R3HDM2: variants seen among roughly 807,000 people sequenced by gnomAD.
The protein encoded by R3HDM2 is R3H domain-containing protein 2.
R3HDM2 carries 38 observed loss-of-function variants against 124.5 expected under a neutral mutation model. The observed-to-expected ratio is 0.31, with a 90% CI of 0.24 to 0.40. The LOEUF is 0.40. R3HDM2 is among the 10% of genes least tolerant of loss of function. The probability of loss-of-function intolerance (pLI) is 1.00; values close to 1 mark genes in which losing one functional copy is unlikely to be tolerated. For synonymous variants in R3HDM2, 391 were observed against 448.0 expected (o/e 0.87, Z 1.61); for missense variants, 869 against 1,236.9 (o/e 0.70, Z 4.46).
At chr12:57,391,437 A>C (rs1004382339) in intron 2 of R3HDM2, among the ~76,000 whole-genome samples, 1 of 152,170 alleles carries the variant, frequency 6.6e-6, no homozygotes, top group African/African-American at 2.4e-5. Context: ...TTTCCAGGGA[A>C]TGGGATGGAG....
At chr12:57,314,821 C>T (rs939626654) in intron 2 of R3HDM2, among the ~76,000 whole-genome samples, 8 of 152,052 alleles carry the variant, frequency 5.3e-5, no homozygotes, top group Admixed American at 1.3e-4. Flanking sequence ...ATTTATTTGT[C>T]AGAAAGAAAA....
chr12:57,429,986 GAAC>G (rs1228667730), intron 1 of R3HDM2, among the ~76,000 whole-genome samples: 2 of 152,128 alleles, frequency 1.3e-5, no homozygotes, highest in Admixed American at 6.6e-5. Context: ...TTATCTATTT[GAAC>G]AACATTATGT....
chr12:57,360,036 T>TACAC (rs1483323502), intron 2 of R3HDM2, among the ~76,000 whole-genome samples: 44 of 78,366 alleles, frequency 5.6e-4, no homozygotes, highest in South Asian at 1.2e-3. Context: ...CACATATATA[T>TACAC]ATATATATAT....
At chr12:57,317,310 G>A (rs897303770) in intron 2 of R3HDM2, among the ~76,000 whole-genome samples, 2 of 151,172 alleles carry the variant, frequency 1.3e-5, no homozygotes, top group African/African-American at 4.9e-5. Context: ...TCAGCCTCCT[G>A]AGTAGCTGGG....
At chr12:57,298,047 T>TA (rs2050271218) in intron 7 of R3HDM2, 43 bp downstream of exon 7, 1 of 1,425,958 alleles carries the variant, frequency 7.0e-7, no homozygotes. Context: ...GGAATCTTGC[T>TA]ATCCCCTAAC....
At chr12:57,418,538 C>G (rs2069874700) in intron 1 of R3HDM2, among the ~76,000 whole-genome samples, 1 of 151,612 alleles carries the variant, frequency 6.6e-6, no homozygotes, top group South Asian at 2.1e-4. Flanking sequence ...CCAGCATACT[C>G]TAGGCTACCC....
intron 3 of R3HDM2, among the ~76,000 whole-genome samples, chr12:57,307,307 T>TA (rs149318837): frequency 6.9e-4 from 45 of 65,582 alleles, no homozygotes; most frequent in South Asian, 1.4e-3. Context: ...AAATGCTGGG[T>TA]TTTTTTGTTG....
Position 57,295,384 on chromosome 12 carries a change from C to G in R3HDM2, c.810+15G>C. 3 of 1,530,020 alleles carry G rather than the reference C, an allele frequency of 2.0e-6. No homozygotes were observed. Among genetic ancestry groups the G allele is most frequent in the Non-Finnish European group, 2.7e-6 (3 of 1,128,410 alleles). 94.8% of individuals were successfully genotyped at this position (1,530,020 alleles called of 1,614,324 possible). A position where few individuals can be genotyped will look rare whatever the true frequency, so the allele number is the denominator to read the frequency against. ...GCAAACTCTCTATATAGGCCCACCC[C>G]TTTCCATTCTTCACCTGGTTATCAT... On this transcript the variant is annotated intron_variant, in intron 10 of 23. Coordinates refer to ENST00000402412, the MANE Select transcript of R3HDM2 (RefSeq NM_001394031.1).
intron 2 of R3HDM2, among the ~76,000 whole-genome samples, chr12:57,370,121 C>A (rs1055545662): frequency 6.6e-6 from 1 of 152,162 alleles, no homozygotes; most frequent in Non-Finnish European, 1.5e-5. Context: ...ATAATCCCCA[C>A]ATGTGTGAGG....
intron 2 of R3HDM2, among the ~76,000 whole-genome samples, chr12:57,392,465 G>A (rs2066839614): frequency 6.6e-6 from 1 of 152,152 alleles, no homozygotes; most frequent in Non-Finnish European, 1.5e-5. Context: ...GATCTGACAG[G>A]AGGCTGAGTT....
intron 11 of R3HDM2, 77 bp downstream of exon 11, chr12:57,292,495 A>G: frequency 1.0e-6 from 1 of 977,476 alleles, no homozygotes; most frequent in Non-Finnish European, 1.6e-6. Flanking sequence ...ACATTTGTGG[A>G]GGGTTCATTC....
intron 20 of R3HDM2, 152 bp from the exon 21 acceptor site, chr12:57,258,289 G>C: frequency 2.3e-6 from 1 of 437,334 alleles, no homozygotes; most frequent in Non-Finnish European, 3.8e-6. Flanking sequence ...TGCAACCTCA[G>C]TCCTTAATTC....
At chr12:57,367,166 T>C (rs185837397) in intron 2 of R3HDM2, among the ~76,000 whole-genome samples, 1 of 152,348 alleles carries the variant, frequency 6.6e-6, no homozygotes, top group Admixed American at 6.5e-5. Flanking sequence ...GTTTCTACTC[T>C]GGTTAGTAGA....
intron 2 of R3HDM2, among the ~76,000 whole-genome samples, chr12:57,332,105 C>T (rs1197660159): frequency 6.6e-6 from 1 of 151,006 alleles, no homozygotes; most frequent in Non-Finnish European, 1.5e-5. Flanking sequence ...AGTAATTTGC[C>T]ATATTAATAG....
intron 2 of R3HDM2, among the ~76,000 whole-genome samples, chr12:57,352,693 C>T (rs2060815491): frequency 6.6e-6 from 1 of 151,958 alleles, no homozygotes; most frequent in African/African-American, 2.4e-5. Flanking sequence ...GGGGTTTCAC[C>T]ATGTTGGCCA....
In R3HDM2 at chr12:57,413,248, C is replaced by A. The variant is rs201235867; in HGVS notation, c.-105-17430G>T. Among the ~76,000 whole-genome samples, 21 of 152,194 alleles carry A rather than the reference C, an allele frequency of 1.4e-4. No individual in the cohort carries two copies. The East Asian group carries it at 3.1e-3, about 22-fold the overall frequency. On this transcript the variant is annotated intron_variant, in intron 1 of 23. Coordinates refer to ENST00000402412, the MANE Select transcript of R3HDM2 (RefSeq NM_001394031.1). ...GCCAATCTTCTGTGCAATATCCCAT[C>A]TCCCATGGCAAGTCACCATAACTAC...
intron 15 of R3HDM2, 100 bp from the exon 16 acceptor site, chr12:57,269,549 T>C: frequency 6.6e-7 from 1 of 1,506,010 alleles, no homozygotes; most frequent in South Asian, 1.3e-5. Flanking sequence ...CAGAAATATG[T>C]AAACGGAGAT....
intron 1 of R3HDM2, among the ~76,000 whole-genome samples, chr12:57,401,175 C>T (rs1392489334): frequency 1.3e-5 from 2 of 150,716 alleles, no homozygotes; most frequent in South Asian, 2.1e-4. Context: ...AAGTGCAGTT[C>T]GTCTCAAAAA....
intron 1 of R3HDM2, among the ~76,000 whole-genome samples, chr12:57,428,869 G>A (rs1251366547): frequency 1.3e-5 from 2 of 151,386 alleles, no homozygotes; most frequent in Non-Finnish European, 2.9e-5. Flanking sequence ...ACCTCAGCCT[G>A]CCAAGAAGCT....
Sources: allele counts gnomAD v4.1 joint callset (sites outside exome capture counted in the v4.1 genomes callset), GRCh38; gene constraint gnomAD v4.1.1; transcripts MANE v1.5; gene names NCBI Gene and HGNC (gene_info 2026-07-23, HGNC 2026-07-21).